GRID1: variants seen among roughly 807,000 people sequenced by gnomAD.
GRID1 encodes glutamate receptor ionotropic, delta-1.
GRID1 carries 28 observed loss-of-function variants against 98.0 expected under a neutral mutation model. The observed-to-expected ratio is 0.29, with a 90% CI of 0.21 to 0.39. GRID1 has a LOEUF of 0.39. Ranked by LOEUF, GRID1 falls within the 10% of genes least tolerant of loss-of-function variation. The pLI is 1.00. For missense variants in GRID1, 1,111 were observed against 1,340.5 expected, an observed-to-expected ratio of 0.83 and a Z score of 2.67; for synonymous variants, 553 against 538.5, an observed-to-expected ratio of 1.03 and a Z score of -0.37.
At chr10:86,021,300 C>T (rs1302871265) in intron 4 of GRID1, among the ~76,000 whole-genome samples, 2 of 152,170 alleles carry the variant, frequency 1.3e-5, no homozygotes, top group Non-Finnish European at 2.9e-5. Context: ...CTCCCTCCAG[C>T]TGAGCCTTTT....
chr10:85,905,957 A>G (rs1276952086), intron 5 of GRID1, among the ~76,000 whole-genome samples: 2 of 152,278 alleles, frequency 1.3e-5, no homozygotes, highest in East Asian at 3.9e-4. Flanking sequence ...AAAGGTGAAG[A>G]CTGTTATAAT....
intron 4 of GRID1, among the ~76,000 whole-genome samples, chr10:85,965,868 C>T (rs1434510422): frequency 1.3e-5 from 2 of 152,122 alleles, no homozygotes; most frequent in African/African-American, 2.4e-5. Context: ...AAAATCCCAG[C>T]TAATCCTTGG....
At chr10:86,268,611 A>G (rs1847140568) in intron 2 of GRID1, among the ~76,000 whole-genome samples, 1 of 152,262 alleles carries the variant, frequency 6.6e-6, no homozygotes, top group Non-Finnish European at 1.5e-5. Context: ...CTGGCTTTCT[A>G]CATAGGCTTA....
chr10:86,080,383 AAAGGG>A (rs1300914353), intron 4 of GRID1, among the ~76,000 whole-genome samples: 3,061 of 54,760 alleles, frequency 0.056, 227 homozygotes, highest in African/African-American at 0.082. Context: ...AAAGGAAAGG[AAAGGG>A]AAGGGAAGGG....
At chr10:86,360,346 A>G (rs1016334369) in intron 2 of GRID1, among the ~76,000 whole-genome samples, 2 of 152,220 alleles carry the variant, frequency 1.3e-5, no homozygotes, top group Middle Eastern at 3.2e-3. Flanking sequence ...TGGGGGGAAG[A>G]CTGGAAGGAA....
chr10:86,026,417 C>G (rs1410973374), intron 4 of GRID1, among the ~76,000 whole-genome samples: 1 of 152,176 alleles, frequency 6.6e-6, no homozygotes, highest in African/African-American at 2.4e-5. Flanking sequence ...TGATTTTCAA[C>G]TGCTTGATGA....
At chr10:85,842,582 A>T (rs1228867659) in intron 8 of GRID1, among the ~76,000 whole-genome samples, 1 of 152,078 alleles carries the variant, frequency 6.6e-6, no homozygotes, top group African/African-American at 2.4e-5. Flanking sequence ...ACTATTACAG[A>T]TGCTATAGCC....
chr10:86,325,016 A>G (rs926505706), intron 2 of GRID1, among the ~76,000 whole-genome samples: 1 of 152,254 alleles, frequency 6.6e-6, no homozygotes, highest in African/African-American at 2.4e-5. Flanking sequence ...CACCAAAAAT[A>G]TAAGTCATGA....
chr10:86,285,107 A>C (rs1589436976), intron 2 of GRID1, among the ~76,000 whole-genome samples: 1 of 110,212 alleles, frequency 9.1e-6, no homozygotes. Context: ...ATGGCCAGGG[A>C]CCTTTGCCTC....
At chr10:85,734,209 G>A (rs954314031) in intron 8 of GRID1, among the ~76,000 whole-genome samples, 3 of 152,070 alleles carry the variant, frequency 2.0e-5, no homozygotes, top group African/African-American at 7.2e-5. Flanking sequence ...CATATTCTAG[G>A]ATCTCTCCAA....
In GRID1 at chr10:85,602,583, C is replaced by T. The variant is rs764648452; in HGVS notation, c.2720G>A (p.Gly907Asp). ...SIELSALEMG[G>D]LAPTQTLEPT... ...CTCCAAGGTCTGGGTGGGAGCCAGG[C>T]CCCCCATCTCCAGGGCCGAGAGCTC... The change falls in exon 16 of 16, where the codon GGC (glycine) becomes GAC (aspartate). Residue 907 changes from glycine (G) to aspartate (D), a missense_variant. By Grantham distance (94) the Gly-to-Asp change is moderately conservative (BLOSUM62 -1). Coordinates refer to ENST00000327946, the MANE Select transcript of GRID1 (RefSeq NM_017551.3). 2.5e-6 allele frequency: 4 copies of T among 1,613,768 alleles called. No individual in the cohort carries two copies. Among genetic ancestry groups the T allele is most frequent in the East Asian group, 2.2e-5 (1 of 44,844 alleles).
intron 8 of GRID1, among the ~76,000 whole-genome samples, chr10:85,779,928 C>T (rs150761937): frequency 1.1e-4 from 17 of 152,278 alleles, no homozygotes; most frequent in African/African-American, 4.1e-4. Context: ...CTAGCAGAGT[C>T]TGTGGGATGT....
At chr10:85,805,388 T>C (rs967680373) in intron 8 of GRID1, among the ~76,000 whole-genome samples, 2 of 151,784 alleles carry the variant, frequency 1.3e-5, no homozygotes, top group East Asian at 1.9e-4. Flanking sequence ...TGTTCATGAG[T>C]GAAAGACTCA....
intron 4 of GRID1, among the ~76,000 whole-genome samples, chr10:86,080,116 C>T (rs1211207384): frequency 1.3e-5 from 2 of 151,926 alleles, no homozygotes; most frequent in Non-Finnish European, 2.9e-5. Context: ...GGTGGACCAC[C>T]TGAGGTCAGG....
chr10:85,921,039 A>G (rs1841696263), intron 4 of GRID1, among the ~76,000 whole-genome samples: 1 of 152,230 alleles, frequency 6.6e-6, no homozygotes, highest in South Asian at 2.1e-4. Context: ...TACATTGGCA[A>G]ACACAGAACT....
At chr10:85,991,692 G>A (rs1357504141) in intron 4 of GRID1, among the ~76,000 whole-genome samples, 1 of 152,186 alleles carries the variant, frequency 6.6e-6, no homozygotes, top group African/African-American at 2.4e-5. Context: ...AGGAAGAGGG[G>A]AAAGAGCAGA....
chr10:85,930,260 ATTTATAACTACAAATAACTTGCG>A (rs2131832072), intron 4 of GRID1, among the ~76,000 whole-genome samples: 1 of 97,540 alleles, frequency 1.0e-5, no homozygotes, highest in Non-Finnish European at 2.1e-5. Flanking sequence ...ACTTGCGGTT[ATTTATAACTACAAATAACTTGCG>A]GTTATTTATA....
Position 86,365,902 on chromosome 10 carries a change from C to T in GRID1, c.79+412G>A, listed in dbSNP as rs1169810535. On this transcript the variant is annotated intron_variant, in intron 1 of 15. Coordinates refer to ENST00000327946, the MANE Select transcript of GRID1 (RefSeq NM_017551.3). The surrounding 1 kb of genome is among the most constrained non-coding windows in gnomAD (Gnocchi z 4.8). ...CACACATTCACACACGGTTCCGGTC[C>T]GGCCTCTTTGATCTTGCCCTGCCAA... Among the ~76,000 whole-genome samples, 2 of 152,022 alleles carry T rather than the reference C, an allele frequency of 1.3e-5. No individual in the cohort carries two copies. Among genetic ancestry groups the T allele is most frequent in the African/African-American group, 2.4e-5 (1 of 41,402 alleles).
intron 3 of GRID1, among the ~76,000 whole-genome samples, chr10:86,204,106 A>AT (rs1845991782): frequency 6.6e-6 from 1 of 152,194 alleles, no homozygotes; most frequent in African/African-American, 2.4e-5. Flanking sequence ...TGGGTGGAGG[A>AT]AAGAAGAGGG....
Sources: gnomAD v4.1 joint callset for allele counts (sites outside exome capture counted in the v4.1 genomes callset) on GRCh38, gnomAD v4.1.1 for gene constraint, Gnocchi (gnomAD v3.1) non-coding constraint, MANE v1.5 for transcripts, NCBI Gene and HGNC (gene_info 2026-07-23, HGNC 2026-07-21) for gene names.